Variants in RABGAP1L observed in about 807,000 individuals in gnomAD.
RABGAP1L encodes the protein rab GTPase-activating protein 1-like.
RABGAP1L carries 63 observed loss-of-function variants against 137.7 expected under a neutral mutation model. The observed-to-expected ratio is 0.46, with a 90% CI of 0.37 to 0.56. The LOEUF (loss-of-function observed/expected upper bound fraction) is 0.56. Ranked by LOEUF, RABGAP1L falls within the 20% of genes least tolerant of loss-of-function variation. RABGAP1L has a pLI of 0.00. For synonymous variants in RABGAP1L, 431 were observed against 433.7 expected, an observed-to-expected ratio of 0.99 and a Z score of 0.08; for missense variants, 1,095 against 1,244.0, an observed-to-expected ratio of 0.88 and a Z score of 1.80.
rs1434585743 is a variant in RABGAP1L at position 174,761,196 on chromosome 1, G to C, written c.2211+8842G>C. Among the ~76,000 whole-genome samples the C allele has an allele frequency of 6.6e-6, 1 of 152,232 alleles. No individual in the cohort carries two copies. The highest frequency in any genetic ancestry group is 1.5e-5 in the Non-Finnish European group (1 of 68,042). ...GGCAGCAGACAAAGAGAGAGGGCTTGTGTAGGGAAACTCTTGTTTTTATTT... is the reference window on the plus strand; with the variant it reads ...GGCAGCAGACAAAGAGAGAGGGCTTCTGTAGGGAAACTCTTGTTTTTATTT... On this transcript the variant is annotated intron_variant, in intron 18 of 25. Transcript: ENST00000681986. The surrounding 1 kb of genome is among the most constrained non-coding windows in gnomAD (Gnocchi z 4.0).
chr1:174,289,640 A>C (rs1676394251), intron 10 of RABGAP1L, among the ~76,000 whole-genome samples: 1 of 152,186 alleles, frequency 6.6e-6, no homozygotes, highest in Non-Finnish European at 1.5e-5. Flanking sequence ...GCAAGGAAAG[A>C]TCTTTACTAG....
chr1:174,558,933 C>T (rs1477639089), intron 13 of RABGAP1L, among the ~76,000 whole-genome samples: 4 of 152,128 alleles, frequency 2.6e-5, no homozygotes, highest in Non-Finnish European at 1.5e-5. Context: ...GAAGGTAGCT[C>T]TCTGTTGACA....
intron 13 of RABGAP1L, among the ~76,000 whole-genome samples, chr1:174,452,835 A>G (rs1038970368): frequency 3.3e-5 from 5 of 152,006 alleles, no homozygotes; most frequent in African/African-American, 1.2e-4. Flanking sequence ...TGCTGGGATT[A>G]CAGGTGTGAG....
At chr1:174,394,563 A>T (rs1647581881) in intron 13 of RABGAP1L, among the ~76,000 whole-genome samples, 1 of 152,162 alleles carries the variant, frequency 6.6e-6, no homozygotes, top group Admixed American at 6.5e-5. Context: ...ACATTTAAAT[A>T]ATGTAGATAC....
chr1:174,488,725 A>C (rs946218010), intron 13 of RABGAP1L, among the ~76,000 whole-genome samples: 29 of 150,092 alleles, frequency 1.9e-4, no homozygotes, highest in African/African-American at 7.1e-4. Context: ...TTTTTCTATT[A>C]TGTCCTCTGA....
intron 19 of RABGAP1L, chr1:174,945,767 C>G (rs1395799174): frequency 2.0e-5 from 3 of 152,178 alleles, no homozygotes; most frequent in Non-Finnish European, 4.4e-5. Flanking sequence ...GAAGGGCACT[C>G]AGTGAAGATG....
chr1:174,908,908 T>TCACACCTGTAATC (rs1018931955), intron 19 of RABGAP1L, among the ~76,000 whole-genome samples: 4 of 148,170 alleles, frequency 2.7e-5, no homozygotes, highest in African/African-American at 9.9e-5. Context: ...GCACAGTGGC[T>TCACACCTGTAATC]CACACCTGTA....
At chr1:174,870,471 C>T (rs1477493786) in intron 19 of RABGAP1L, among the ~76,000 whole-genome samples, 2 of 152,146 alleles carry the variant, frequency 1.3e-5, no homozygotes, top group Non-Finnish European at 1.5e-5. Flanking sequence ...CAGTGTTTGG[C>T]ACATGGCTAA....
Position 174,781,525 on chromosome 1 carries a change from A to C in RABGAP1L, c.2211+29171A>C, listed in dbSNP as rs539193785. On this transcript the variant is annotated intron_variant, in intron 18 of 25. Coordinates refer to ENST00000681986, the MANE Select transcript of RABGAP1L (RefSeq NM_001366446.1). ...CTCCCATTCTGTAGGTTGCCTGTTCACTCTGATGGTGGTTTCTTTTGCTGT... is the reference window on the plus strand; with the variant it reads ...CTCCCATTCTGTAGGTTGCCTGTTCCCTCTGATGGTGGTTTCTTTTGCTGT... Among the ~76,000 whole-genome samples the C allele has an allele frequency of 3.3e-5, 5 of 151,986 alleles. No individual in the cohort carries two copies. In the East Asian group the frequency reaches 9.7e-4, roughly 29 times the overall value.
Position 174,280,048 on chromosome 1 carries a change from GGAGAGAGAGA to G in RABGAP1L, c.1323+1304_1323+1313del, listed in dbSNP as rs59262212. ...AGTACTTTTGACTGTCTGTCTGCCT[GGAGAGAGAGA>G]GAGAGAGAGAGAGAGAGAGAGAGAG... On this transcript the variant is annotated intron_variant, in intron 10 of 25. Coordinates refer to ENST00000681986, the MANE Select transcript of RABGAP1L (RefSeq NM_001366446.1). Among the ~76,000 whole-genome samples, 809 of 125,302 alleles carry G rather than the reference GGAGAGAGAGA, an allele frequency of 6.5e-3. 9 individuals carry two copies. The highest frequency in any genetic ancestry group is 0.021 in the African/African-American group (708 of 33,724). 82.2% of individuals were successfully genotyped at this position (125,302 alleles called of 152,430 possible).
chr1:174,463,213 G>A (rs1030003954), intron 13 of RABGAP1L, among the ~76,000 whole-genome samples: 3 of 152,200 alleles, frequency 2.0e-5, no homozygotes, highest in South Asian at 4.1e-4. Flanking sequence ...ACGTGCACAC[G>A]TATGTTTATT....
At chr1:174,467,873 C>CT (rs1657480100) in intron 13 of RABGAP1L, among the ~76,000 whole-genome samples, 1 of 152,002 alleles carries the variant, frequency 6.6e-6, no homozygotes, top group Non-Finnish European at 1.5e-5. Context: ...CTAATAAAGG[C>CT]TTTTTTGCTA....
Position 174,448,874 on chromosome 1 carries a change from AC to A in RABGAP1L, c.1710+54730del. Reference sequence around the variant, plus strand: ...TCATGAGGTAGATTCTTCCAGAGAGACTGGACACAGCCCTGACCGTCGCTAC... The same window carrying A: ...TCATGAGGTAGATTCTTCCAGAGAGATGGACACAGCCCTGACCGTCGCTAC... On this transcript the variant is annotated intron_variant, in intron 13 of 25. Coordinates refer to ENST00000681986, the MANE Select transcript of RABGAP1L (RefSeq NM_001366446.1). This position sits in a 1 kb window ranked among gnomAD's most constrained non-coding sequence, Gnocchi z 4.2. 1 of 1,613,676 alleles carries A rather than the reference AC, an allele frequency of 6.2e-7. No individual in the cohort carries two copies. The highest frequency in any genetic ancestry group is 8.5e-7 in the Non-Finnish European group (1 of 1,179,614).
intron 11 of RABGAP1L, among the ~76,000 whole-genome samples, chr1:174,305,709 A>C (rs1420412761): frequency 6.6e-6 from 1 of 151,794 alleles, no homozygotes; most frequent in East Asian, 1.9e-4. Flanking sequence ...TAAATTTTTT[A>C]GTTGTAATTA....
At chr1:174,651,732 T>C (rs1675513805) in intron 14 of RABGAP1L, among the ~76,000 whole-genome samples, 2 of 152,220 alleles carry the variant, frequency 1.3e-5, no homozygotes, top group African/African-American at 2.4e-5. Context: ...TGTGTGTCTC[T>C]GCAGGTGAGA....
At chr1:174,252,943 G>T (rs1025921302) in intron 7 of RABGAP1L, among the ~76,000 whole-genome samples, 19 of 152,146 alleles carry the variant, frequency 1.2e-4, no homozygotes, top group African/African-American at 4.6e-4. Context: ...AACTTTAAAA[G>T]ATAGATACAT....
At chr1:174,824,325 A>C (rs1368788770) in intron 19 of RABGAP1L, among the ~76,000 whole-genome samples, 1 of 151,526 alleles carries the variant, frequency 6.6e-6, no homozygotes, top group Non-Finnish European at 1.5e-5. Flanking sequence ...ATACATATCT[A>C]TATATATATT....
intron 19 of RABGAP1L, among the ~76,000 whole-genome samples, chr1:174,925,558 A>G (rs1384615525): frequency 6.6e-6 from 1 of 151,968 alleles, no homozygotes; most frequent in Non-Finnish European, 1.5e-5. Context: ...TTTGTAGGCC[A>G]TGGCAAGGCA....
At chr1:174,597,650 C>T (rs768239967) in intron 13 of RABGAP1L, among the ~76,000 whole-genome samples, 16 of 151,786 alleles carry the variant, frequency 1.1e-4, no homozygotes, top group South Asian at 2.1e-4. Flanking sequence ...AAAAACTTTT[C>T]GAACTTTTCG....
Sources: allele counts gnomAD v4.1 joint callset (sites outside exome capture counted in the v4.1 genomes callset), GRCh38; gene constraint gnomAD v4.1.1; non-coding constraint Gnocchi (gnomAD v3.1); transcripts MANE v1.5; gene names NCBI Gene and HGNC (gene_info 2026-07-23, HGNC 2026-07-21).